The following IFI44L variants were observed in gnomAD, a reference collection of about 807,000 sequenced individuals.
The protein encoded by IFI44L is interferon induced protein 44 like.
In IFI44L, 40 loss-of-function variants were observed where a neutral mutation model predicts 39.3. The observed-to-expected ratio is 1.02, with a 90% CI of 0.79 to 1.33. The LOEUF is 1.33. Among genes scored for constraint, IFI44L ranks in the 40% most tolerant of loss-of-function variants. IFI44L has a pLI of 0.00. For synonymous variants in IFI44L, 198 were observed against 182.3 expected, an observed-to-expected ratio of 1.09 and a Z score of -0.69; for missense variants, 623 against 549.0, an observed-to-expected ratio of 1.13 and a Z score of -1.35.
chr1:78,635,668 C>A (rs1652924461), intron 5 of IFI44L, 179 bp downstream of exon 5: 2 of 602,010 alleles, frequency 3.3e-6, no homozygotes, highest in Non-Finnish European at 5.7e-6. Flanking sequence ...TTGTTCTTTT[C>A]TGTAACATTG....
At chr1:78,621,350 C>A (rs1640393614) in intron 1 of IFI44L, among the ~76,000 whole-genome samples, 1 of 152,176 alleles carries the variant, frequency 6.6e-6, no homozygotes, top group South Asian at 2.1e-4. Flanking sequence ...CGGCTCACTG[C>A]AACCTCAGCC....
At chr1:78,641,278 C>A (rs990197370) in intron 7 of IFI44L, among the ~76,000 whole-genome samples, 157 bp downstream of exon 7, 5 of 152,112 alleles carry the variant, frequency 3.3e-5, no homozygotes, top group African/African-American at 1.2e-4. Context: ...AAATTTATAT[C>A]ACACTTTAAA....
rs148308537 is a variant in IFI44L, at chr1:78,636,948, C to T, written c.877-84C>T. ...GGAGAAAGAGGGAGATCAGTAGTTA[C>T]AGTATTAGAAGCATTAATTGTGTCT... On this transcript the variant is annotated intron_variant, in intron 5 of 8. Transcript: ENST00000370751. The T allele has an allele frequency of 2.1e-4, 206 of 961,402 alleles. No individual in the cohort carries two copies. The East Asian group carries it at 5.1e-3, about 24-fold the overall frequency. 59.6% of individuals were successfully genotyped at this position (961,402 alleles called of 1,614,324 possible). A position where few individuals can be genotyped will look rare whatever the true frequency, so the allele number is the denominator to read the frequency against.
intron 4 of IFI44L, among the ~76,000 whole-genome samples, chr1:78,635,043 T>C (rs200014350): frequency 2.6e-4 from 31 of 118,594 alleles, no homozygotes; most frequent in Non-Finnish European, 3.9e-4. Flanking sequence ...TATATATATA[T>C]ACACACACGT....
At chr1:78,635,262 T>G (rs1369878404) in intron 4 of IFI44L, 75 bp from the exon 5 acceptor site, 40 of 1,207,612 alleles carry the variant, frequency 3.3e-5, no homozygotes, top group Non-Finnish European at 1.2e-6. Flanking sequence ...TTAACCAATC[T>G]CTTTTCTTCT....
intron 4 of IFI44L, among the ~76,000 whole-genome samples, chr1:78,633,333 GC>G (rs1415365253): frequency 6.6e-6 from 1 of 152,182 alleles, no homozygotes; most frequent in Non-Finnish European, 1.5e-5. Flanking sequence ...TGAGCCTCTA[GC>G]CCCATGCTGG....
rs910535349 is a variant in IFI44L at position 78,644,467 on chromosome 1, T to G, written c.*2658T>G. The G allele has an allele frequency of 1.4e-4, 22 of 152,306 alleles. No individual in the cohort carries two copies. The highest frequency in any genetic ancestry group is 5.3e-4 in the African/African-American group (22 of 41,556). 9.4% of individuals were successfully genotyped at this position (152,306 alleles called of 1,614,324 possible). A position where few individuals can be genotyped will look rare whatever the true frequency, so the allele number is the denominator to read the frequency against. ...GGCTCTATATTGCTTTGGAAACACT[T>G]AAACATCAAATGGAGTTAAATACAT... On this transcript the variant is annotated 3_prime_UTR_variant, in exon 9 of 9. Coordinates refer to ENST00000370751, the MANE Select transcript of IFI44L (RefSeq NM_006820.4).
intron 1 of IFI44L, among the ~76,000 whole-genome samples, chr1:78,624,397 C>A (rs1003679267): frequency 6.6e-6 from 1 of 152,156 alleles, no homozygotes; most frequent in Admixed American, 6.6e-5. Context: ...TCTAGATTTT[C>A]TGATATTGAT....
At chr1:78,640,923 C>T (rs2100396165) in intron 6 of IFI44L, 98 bp from the exon 7 acceptor site, 1 of 783,114 alleles carries the variant, frequency 1.3e-6, no homozygotes, top group African/African-American at 1.7e-5. Flanking sequence ...CTTCAGCTCT[C>T]AAAATCACCC....
intron 3 of IFI44L, among the ~76,000 whole-genome samples, chr1:78,629,215 A>C (rs1557684455): frequency 6.6e-6 from 1 of 152,194 alleles, no homozygotes. Context: ...TTTCCACTTT[A>C]GACCAAAATT....
chr1:78,623,990 C>G (rs1652387662), intron 1 of IFI44L, among the ~76,000 whole-genome samples: 1 of 151,948 alleles, frequency 6.6e-6, no homozygotes, highest in Non-Finnish European at 1.5e-5. Flanking sequence ...CTCAACATTT[C>G]TTTTCTTTTC....
At position 78,623,415 on chromosome 1, in the gene IFI44L, T is replaced by G. The variant is rs1404037052; in HGVS notation, c.-11+2844T>G. 5.4e-5 allele frequency among the ~76,000 whole-genome samples: 8 copies of G among 149,304 alleles called. 1 individual carries two copies. The highest frequency in any genetic ancestry group is 5.9e-5 in the Non-Finnish European group (4 of 67,408). The stretch of plus-strand genomic sequence containing the variant: ...TTTTTTGTTTTTTTTTTTTTTTTTT[T>G]TTTTTTTTTTTAAATCATGGAAGGA... On this transcript the variant is annotated intron_variant, in intron 1 of 8. Transcript: ENST00000370751.
At chr1:78,623,389 GTTTTTTGT>G (rs1439086743) in intron 1 of IFI44L, among the ~76,000 whole-genome samples, 7 of 19,926 alleles carry the variant, frequency 3.5e-4, no homozygotes, top group African/African-American at 9.3e-4. Context: ...TGGTTTAAGT[GTTTTTTGT>G]TTTTTTTTTT....
chr1:78,636,965 A>C (rs1652971015), intron 5 of IFI44L, 67 bp from the exon 6 acceptor site: 5 of 1,199,212 alleles, frequency 4.2e-6, no homozygotes, highest in Non-Finnish European at 6.1e-6. Context: ...AGAAGCATTA[A>C]TTGTGTCTTT....
chr1:78,632,518 T>C (rs1343093257), intron 4 of IFI44L, among the ~76,000 whole-genome samples: 1 of 152,178 alleles, frequency 6.6e-6, no homozygotes, highest in African/African-American at 2.4e-5. Flanking sequence ...GTAAAGGATA[T>C]ATTCAAAGTA....
intron 1 of IFI44L, chr1:78,627,002 T>C (rs1374900909): frequency 6.6e-6 from 1 of 152,004 alleles, no homozygotes; most frequent in Non-Finnish European, 1.5e-5. Context: ...GTTTCCAAGG[T>C]GCTCTCCTTA....
At chr1:78,623,870 GC>G (rs1652383633) in intron 1 of IFI44L, among the ~76,000 whole-genome samples, 1 of 152,114 alleles carries the variant, frequency 6.6e-6, no homozygotes, top group African/African-American at 2.4e-5. Flanking sequence ...CTGCCTTTTT[GC>G]TCTATTTGGG....
Position 78,641,829 on chromosome 1 carries a change from G to A in IFI44L, c.*20G>A. ...ATTTGAGATAAGTTGCCTTGATTCT[G>A]ACATTTGGCCCAGCCTGTACTGGTG... is the stretch of plus-strand genomic sequence containing the variant. On this transcript the variant is annotated 3_prime_UTR_variant, in exon 9 of 9. Transcript: ENST00000370751. The A allele has an allele frequency of 6.2e-7, 1 of 1,611,984 alleles. No individual in the cohort carries two copies. The highest frequency in any genetic ancestry group is 1.7e-5 in the Admixed American group (1 of 59,990).
At position 78,644,527 on chromosome 1, in the gene IFI44L, G is replaced by C. The variant is rs1242777513; in HGVS notation, c.*2718G>C. The C allele has an allele frequency of 1.3e-5, 2 of 152,044 alleles. No individual in the cohort carries two copies. The highest frequency in any genetic ancestry group is 3.9e-4 in the East Asian group (2 of 5,184). The allele number at this position is 152,044 out of a possible 1,614,324, so 9.4% of individuals were successfully genotyped here. On this transcript the variant is annotated 3_prime_UTR_variant, in exon 9 of 9. Coordinates refer to ENST00000370751, the MANE Select transcript of IFI44L (RefSeq NM_006820.4). ...TTAGGTTAGGAAATATTGGTGAGGA[G>C]GCCTCAAAAAGGGGGAAACATCTTT...
Sources: gnomAD v4.1 joint callset for allele counts (sites outside exome capture counted in the v4.1 genomes callset) on GRCh38, gnomAD v4.1.1 for gene constraint, MANE v1.5 for transcripts, NCBI Gene and HGNC (gene_info 2026-07-23, HGNC 2026-07-21) for gene names.